TRABD2B: variants seen among roughly 807,000 people sequenced by gnomAD.
TRABD2B encodes the protein metalloprotease TIKI2.
In TRABD2B, 14 loss-of-function variants were observed where a neutral mutation model predicts 40.1. The observed-to-expected ratio is 0.35, with a 90% CI of 0.23 to 0.55. The LOEUF is 0.55. TRABD2B is among the 20% of genes least tolerant of loss of function. The pLI is 0.90. For missense variants in TRABD2B, 541 were observed against 648.6 expected (o/e 0.83, Z 1.80); for synonymous variants, 263 against 277.0 (o/e 0.95, Z 0.50).
chr1:47,827,187 A>G (rs1645187798), intron 2 of TRABD2B, among the ~76,000 whole-genome samples: 1 of 152,226 alleles, frequency 6.6e-6, no homozygotes, highest in Non-Finnish European at 1.5e-5. Context: ...CCCCAAACTC[A>G]GCCTCCGGCT....
intron 2 of TRABD2B, among the ~76,000 whole-genome samples, chr1:47,960,949 T>A (rs1645504758): frequency 6.6e-6 from 1 of 152,080 alleles, no homozygotes; most frequent in Non-Finnish European, 1.5e-5. Context: ...TCACACTACC[T>A]GACTTCAAAC....
At chr1:47,984,416 C>G (rs910556978) in intron 2 of TRABD2B, among the ~76,000 whole-genome samples, 5 of 152,348 alleles carry the variant, frequency 3.3e-5, no homozygotes, top group African/African-American at 1.2e-4. Flanking sequence ...GCCAGAGAGG[C>G]GGCGCGGCTC....
rs1309168841 is a variant in TRABD2B, at chr1:47,813,988, A to G, written c.667-12369T>C. ...GTAACATTCATTAAGGCTGGGGCTA[A>G]GGGATGGACAAGGTGCTGTGAGAGT... On this transcript the variant is annotated intron_variant, in intron 2 of 6. Transcript: ENST00000606738. The surrounding 1 kb of genome is among the most constrained non-coding windows in gnomAD (Gnocchi z 4.3). 6.6e-6 allele frequency among the ~76,000 whole-genome samples: 1 copy of G among 152,364 alleles called. No individual in the cohort carries two copies. Among genetic ancestry groups the G allele is most frequent in the Middle Eastern group, 3.4e-3 (1 of 294 alleles).
Position 47,765,642 on chromosome 1 carries a change from C to T in TRABD2B, c.*260G>A, listed in dbSNP as rs984122031. 28 of 560,908 alleles carry T rather than the reference C, an allele frequency of 5.0e-5. No homozygotes were observed. Among genetic ancestry groups the T allele is most frequent in the African/African-American group, 9.4e-5 (5 of 52,996 alleles). 34.7% of individuals were successfully genotyped at this position (560,908 alleles called of 1,614,324 possible). ...ACAGGCCACATAAGAATAGTTTTAT[C>T]GGTAGAATAAATACATTTTTCTTTT... On this transcript the variant is annotated 3_prime_UTR_variant, in exon 7 of 7. Transcript: ENST00000606738.
At chr1:47,925,175 T>C (rs1644953356) in intron 2 of TRABD2B, among the ~76,000 whole-genome samples, 2 of 152,226 alleles carry the variant, frequency 1.3e-5, no homozygotes, top group Non-Finnish European at 1.5e-5. Flanking sequence ...CCAGTCCTTC[T>C]TGTTACTCTC....
At chr1:47,985,265 T>C (rs1645904446) in intron 2 of TRABD2B, among the ~76,000 whole-genome samples, 1 of 152,254 alleles carries the variant, frequency 6.6e-6, no homozygotes, top group East Asian at 1.9e-4. Flanking sequence ...GTCTGCACTA[T>C]GACGTGTAAA....
intron 2 of TRABD2B, among the ~76,000 whole-genome samples, chr1:47,899,190 T>G (rs967446700): frequency 1.3e-5 from 2 of 152,192 alleles, no homozygotes; most frequent in Non-Finnish European, 2.9e-5. Context: ...GGGGTTCTTA[T>G]GTGCACAGGG....
At chr1:47,911,649 C>T (rs1644764450) in intron 2 of TRABD2B, among the ~76,000 whole-genome samples, 1 of 152,176 alleles carries the variant, frequency 6.6e-6, no homozygotes, top group Admixed American at 6.5e-5. Flanking sequence ...TGGGCTATTG[C>T]GAGCCCCTTG....
chr1:47,806,866 A>G (rs957117733), intron 2 of TRABD2B, among the ~76,000 whole-genome samples: 13 of 152,164 alleles, frequency 8.5e-5, no homozygotes, highest in African/African-American at 3.1e-4. Flanking sequence ...CCCCTTAGTC[A>G]AGAAGAGGGT....
intron 2 of TRABD2B, among the ~76,000 whole-genome samples, chr1:47,939,044 C>T (rs888419710): frequency 6.6e-6 from 1 of 152,034 alleles, no homozygotes; most frequent in African/African-American, 2.4e-5. Context: ...AAGAGCTTTC[C>T]AGGCTAGGGT....
intron 2 of TRABD2B, among the ~76,000 whole-genome samples, chr1:47,909,481 A>G (rs1644723027): frequency 1.2e-5 from 1 of 80,050 alleles, no homozygotes; most frequent in Non-Finnish European, 2.7e-5. Flanking sequence ...AAGGAGAAGG[A>G]GAAGGAGAAG....
intron 2 of TRABD2B, among the ~76,000 whole-genome samples, chr1:47,910,717 T>G (rs1320878576): frequency 1.3e-5 from 2 of 152,226 alleles, no homozygotes. Context: ...GCCTGTGTCT[T>G]CCTCTATAAA....
At chr1:47,887,536 G>T (rs947243830) in intron 2 of TRABD2B, among the ~76,000 whole-genome samples, 4 of 148,660 alleles carry the variant, frequency 2.7e-5, no homozygotes, top group African/African-American at 9.9e-5. Context: ...ACATTTTCAG[G>T]TTCTTTGCCA....
chr1:47,987,535 C>T (rs1406918597), intron 2 of TRABD2B, among the ~76,000 whole-genome samples: 2 of 152,176 alleles, frequency 1.3e-5, no homozygotes, highest in African/African-American at 2.4e-5. Context: ...TAGGACCTCA[C>T]TCTCCTCTGA....
intron 2 of TRABD2B, among the ~76,000 whole-genome samples, chr1:47,987,681 G>C (rs932613022): frequency 3.3e-5 from 5 of 152,186 alleles, no homozygotes; most frequent in Non-Finnish European, 7.3e-5. Flanking sequence ...ATGCCTGCAG[G>C]GGTTCTTCAC....
chr1:47,882,752 C>T (rs1241006025), intron 2 of TRABD2B, among the ~76,000 whole-genome samples: 1 of 152,024 alleles, frequency 6.6e-6, no homozygotes, highest in East Asian at 1.9e-4. Flanking sequence ...ACAATAACCT[C>T]CAAATCAGGT....
intron 2 of TRABD2B, among the ~76,000 whole-genome samples, chr1:47,956,513 T>G (rs1343511368): frequency 6.6e-6 from 1 of 152,232 alleles, no homozygotes; most frequent in East Asian, 1.9e-4. Context: ...ACCCTAAGAC[T>G]GTGCTTTTCC....
At chr1:47,875,283 A>G (rs1644207305) in intron 2 of TRABD2B, among the ~76,000 whole-genome samples, 1 of 151,552 alleles carries the variant, frequency 6.6e-6, no homozygotes, top group Admixed American at 6.6e-5. Context: ...CTACCACAAT[A>G]GGAGCTGAGA....
intron 2 of TRABD2B, among the ~76,000 whole-genome samples, chr1:47,937,348 T>C (rs542865125): frequency 2.0e-5 from 3 of 150,976 alleles, no homozygotes; most frequent in South Asian, 4.2e-4. Context: ...ATCATCATCA[T>C]CACCACCACC....
Sources: allele counts gnomAD v4.1 joint callset (sites outside exome capture counted in the v4.1 genomes callset), GRCh38; gene constraint gnomAD v4.1.1; non-coding constraint Gnocchi (gnomAD v3.1); transcripts MANE v1.5; gene names NCBI Gene and HGNC (gene_info 2026-07-23, HGNC 2026-07-21).